HK1: variants seen among roughly 807,000 people sequenced by gnomAD.
HK1 encodes hexokinase 1.
In HK1, 28 loss-of-function variants were observed where a neutral mutation model predicts 91.6. The ratio of observed to expected loss-of-function variants is 0.31; its 90% CI spans 0.23 to 0.42. The LOEUF (loss-of-function observed/expected upper bound fraction) is 0.42. Among genes scored for constraint, HK1 ranks in the 10% least tolerant of loss-of-function variants. The pLI is 1.00. For synonymous variants in HK1, 430 were observed against 468.1 expected, an observed-to-expected ratio of 0.92 and a Z score of 1.05; for missense variants, 770 against 1,219.8, an observed-to-expected ratio of 0.63 and a Z score of 5.49.
intron 3 of HK1, among the ~76,000 whole-genome samples, chr10:69,294,017 A>G (rs1022349333): frequency 4.7e-4 from 71 of 151,320 alleles, no homozygotes; most frequent in African/African-American, 1.5e-3. Context: ...GCCCACCACC[A>G]CGCCCGGCTG....
At chr10:69,372,772 C>T (rs927045600) in intron 7 of HK1, among the ~76,000 whole-genome samples, 1 of 152,130 alleles carries the variant, frequency 6.6e-6, no homozygotes, top group African/African-American at 2.4e-5. Flanking sequence ...GTCCAGGCAT[C>T]CTCTCACTAA....
chr10:69,305,885 C>A (rs12765788), intron 5 of HK1, among the ~76,000 whole-genome samples: 131,975 of 149,910 alleles, frequency 0.88, 58,411 homozygotes, highest in East Asian at 0.99. Context: ...AAAAAAACAA[C>A]AAAAAAAAAT....
rs1839634577 is a variant in HK1, at chr10:69,386,436, G to GT, written c.1935+24dup. 1 of 1,575,514 alleles carries GT rather than the reference G, an allele frequency of 6.3e-7. No individual in the cohort carries two copies. ...GGAGAGAGGTAACTATTAAAAGAAT[G>GT]TTTTTTAAAATCTTTACTGTTTTAG... On this transcript the variant is annotated intron_variant, in intron 13 of 17. Transcript: ENST00000359426.
chr10:69,317,951 A>C, upstream of HK1: 2 of 718,980 alleles, frequency 2.8e-6, no homozygotes. Context: ...TTCCTCTGGG[A>C]AAGTAGAAAA....
At chr10:69,296,133 C>T in intron 4 of HK1, 1 of 194,088 alleles carries the variant, frequency 5.2e-6, no homozygotes, top group South Asian at 1.1e-4. Context: ...CGACATATCC[C>T]ATTTAGCCCC....
At chr10:69,291,738 G>A (rs1007319900) in intron 3 of HK1, among the ~76,000 whole-genome samples, 2 of 152,148 alleles carry the variant, frequency 1.3e-5, no homozygotes, top group Non-Finnish European at 2.9e-5. Flanking sequence ...ACTCATGCTC[G>A]GGATATTGAA....
intron 3 of HK1, among the ~76,000 whole-genome samples, chr10:69,362,029 C>A (rs1266162442): frequency 2.0e-5 from 3 of 152,292 alleles, no homozygotes; most frequent in Non-Finnish European, 4.4e-5. Context: ...GTTGGTCAGG[C>A]TGGTCTGGAA....
chr10:69,278,274 G>C (rs916910471), intron 1 of HK1, among the ~76,000 whole-genome samples: 2 of 152,206 alleles, frequency 1.3e-5, no homozygotes, highest in Non-Finnish European at 2.9e-5. Context: ...TTACACTATG[G>C]CTGCCTGGCT....
At chr10:69,281,490 A>G (rs1485627358) in intron 1 of HK1, among the ~76,000 whole-genome samples, 2 of 152,178 alleles carry the variant, frequency 1.3e-5, no homozygotes, top group Non-Finnish European at 2.9e-5. Context: ...GGGGCCTCCA[A>G]AGAAAACTCT....
chr10:69,395,024 G>T lies in HK1; in HGVS notation c.2294G>T (p.Gly765Val). ...ATCTTAATCGACTTCACCAAGAAGG[G>T]ATTCCTCTTCCGAGGGCAGATCTCT... ...RNILIDFTKK[G>V]FLFRGQISET... The change falls in exon 16 of 18, where the codon GGA (glycine) becomes GTA (valine). Residue 765 changes from glycine to valine, a missense_variant. Around this residue, in one of 7 missense-constraint regions of HK1, gnomAD observed 25 missense variants for 74.1 expected, o/e 0.34. Coordinates refer to ENST00000359426, the MANE Select transcript of HK1 (RefSeq NM_000188.3). The T allele has an allele frequency of 6.2e-7, 1 of 1,614,034 alleles. No homozygotes were observed. The highest frequency in any genetic ancestry group is 8.5e-7 in the Non-Finnish European group (1 of 1,179,954).
Position 69,380,162 on chromosome 10 carries a change from C to T in HK1, c.1265+67C>T, listed in dbSNP as rs920806345. ...GTGGGTAGGGACCTTCTCCAGAGAT[C>T]AGACTTTTGTACCCGGTAAACGTTT... On this transcript the variant is annotated intron_variant, in intron 9 of 17. Transcript: ENST00000359426. This position sits in a 1 kb window ranked among gnomAD's most constrained non-coding sequence, Gnocchi z 4.0. 8.4e-6 allele frequency: 11 copies of T among 1,313,860 alleles called. No homozygotes were observed. The highest frequency in any genetic ancestry group is 5.8e-5 in the African/African-American group (4 of 68,976). The allele number at this position is 1,313,860 out of a possible 1,614,324, so 81.4% of individuals were successfully genotyped here. A position where few individuals can be genotyped will look rare whatever the true frequency, so the allele number is the denominator to read the frequency against.
intron 2 of HK1, among the ~76,000 whole-genome samples, chr10:69,284,752 C>T (rs759286248): frequency 1.3e-5 from 2 of 152,192 alleles, no homozygotes; most frequent in African/African-American, 2.4e-5. Context: ...GATTCTCCTG[C>T]CTCAGCCTCC....
intron 1 of HK1, among the ~76,000 whole-genome samples, chr10:69,274,449 G>T (rs1429062914): frequency 6.6e-6 from 1 of 151,890 alleles, no homozygotes; most frequent in Non-Finnish European, 1.5e-5. Flanking sequence ...AATACAAAAA[G>T]TAGCTGGGCA....
At chr10:69,273,082 G>A (rs1416999340) in intron 1 of HK1, among the ~76,000 whole-genome samples, 1 of 147,844 alleles carries the variant, frequency 6.8e-6, no homozygotes, top group Admixed American at 6.8e-5. Flanking sequence ...CCAGGCTGGA[G>A]TGCAGTAGTG....
Position 69,346,276 on chromosome 10 carries a change from C to T in HK1, c.226+2287C>T, listed in dbSNP as rs577910749. On this transcript the variant is annotated intron_variant, in intron 2 of 17. Transcript: ENST00000359426. ...CAGAATTAGTGGTAATCCCAAACCA[C>T]GGAGGGATAAATTGGCGCTCACCAT... 9.9e-5 allele frequency among the ~76,000 whole-genome samples: 15 copies of T among 152,278 alleles called. No individual in the cohort carries two copies. In the East Asian group the frequency reaches 2.3e-3, roughly 23 times the overall value.
chr10:69,327,324 T>C (rs1847441912), intron 1 of HK1, among the ~76,000 whole-genome samples: 1 of 152,222 alleles, frequency 6.6e-6, no homozygotes, highest in African/African-American at 2.4e-5. Flanking sequence ...GGTGCTATAC[T>C]GTATGTATCC....
rs545879525 is a variant in HK1, at chr10:69,368,602, C to T, written c.562C>T (p.Leu188=). The change falls in exon 5 of 18, where the codon CTG becomes TTG. Residue 188 remains leucine (L), a synonymous_variant. Transcript: ENST00000359426. ...SGVEGADVVK[L]LNKAIKKRGD... ...AGTGGAAGGAGCAGATGTGGTCAAA[C>T]TGCTTAACAAAGCCATCAAAAAGCG... The T allele has an allele frequency of 6.8e-6, 11 of 1,614,178 alleles. No homozygotes were observed. Among genetic ancestry groups the T allele is most frequent in the East Asian group, 4.5e-5 (2 of 44,888 alleles).
chr10:69,390,775 C>G (rs1839862960), intron 14 of HK1, among the ~76,000 whole-genome samples: 1 of 152,222 alleles, frequency 6.6e-6, no homozygotes. Context: ...GAGATGCAGG[C>G]TCTCAGGTCC....
intron 2 of HK1, among the ~76,000 whole-genome samples, chr10:69,286,615 C>A (rs1238140572): frequency 6.6e-6 from 1 of 151,190 alleles, no homozygotes; most frequent in East Asian, 1.9e-4. Context: ...ATGGTGCAAT[C>A]TCGGCTCACT....
Sources: allele counts gnomAD v4.1 joint callset (sites outside exome capture counted in the v4.1 genomes callset), GRCh38; gene constraint gnomAD v4.1.1; regional missense constraint gnomAD v4.1.1; non-coding constraint Gnocchi (gnomAD v3.1); transcripts MANE v1.5; gene names NCBI Gene and HGNC (gene_info 2026-07-23, HGNC 2026-07-21).